CIMAP1D: variants seen among roughly 807,000 people sequenced by gnomAD.
The protein encoded by CIMAP1D is protein CIMAP1D.
the CIMAP1D span, chr19:489,739 G>A: frequency 9.9e-5 from 32 of 324,118 alleles, no homozygotes; most frequent in Admixed American, 8.9e-4. Flanking sequence ...TTGCGGCCGG[G>A]GGAGAACCAC....
At chr19:463,882 G>A in the CIMAP1D span, 246 of 1,610,694 alleles carry the variant, frequency 1.5e-4, no homozygotes, top group Admixed American at 1.2e-4. Flanking sequence ...CCCGCAGGCC[G>A]GGAGGGCGTG....
At chr19:471,732 ATTG>A in the CIMAP1D span, among the ~76,000 whole-genome samples, 1 of 130,182 alleles carries the variant, frequency 7.7e-6, no homozygotes, top group South Asian at 2.6e-4. Flanking sequence ...TTTTGTTACT[ATTG>A]TTAACTTTTT....
At chr19:488,052 G>C in the CIMAP1D span, among the ~76,000 whole-genome samples, 2 of 152,112 alleles carry the variant, frequency 1.3e-5, no homozygotes, top group African/African-American at 4.8e-5. Flanking sequence ...CTCTCACGCG[G>C]ACCCCCTGAG....
At chr19:491,129 T>A in the CIMAP1D span, among the ~76,000 whole-genome samples, 101 of 149,388 alleles carry the variant, frequency 6.8e-4, no homozygotes, top group Admixed American at 1.0e-3. Flanking sequence ...ATACAAAACT[T>A]ACCTGAGCAT....
chr19:488,915 C>G, the CIMAP1D span, among the ~76,000 whole-genome samples: 1 of 152,048 alleles, frequency 6.6e-6, no homozygotes, highest in Admixed American at 6.5e-5. Flanking sequence ...AGTGGGAACG[C>G]GAGGAGACCG....
chr19:483,028 C>A, the CIMAP1D span, among the ~76,000 whole-genome samples: 1 of 152,168 alleles, frequency 6.6e-6, no homozygotes. Flanking sequence ...GAAAAACGGG[C>A]ATATGTCAGC....
the CIMAP1D span, among the ~76,000 whole-genome samples, chr19:484,550 G>A: frequency 2.6e-5 from 4 of 152,202 alleles, no homozygotes; most frequent in Non-Finnish European, 4.4e-5. Flanking sequence ...CACATACGGT[G>A]GCCAGGAAGG....
the CIMAP1D span, among the ~76,000 whole-genome samples, chr19:487,906 G>A: frequency 2.6e-5 from 4 of 152,312 alleles, no homozygotes; most frequent in Non-Finnish European, 5.9e-5. Flanking sequence ...TGACCTACTG[G>A]GTTACGTTAT....
chr19:488,706 G>C, the CIMAP1D span, among the ~76,000 whole-genome samples: 1 of 152,204 alleles, frequency 6.6e-6, no homozygotes, highest in African/African-American at 2.4e-5. Flanking sequence ...TCCCCGACCG[G>C]GCCCTGCGGC....
At chr19:468,609 GC>G in the CIMAP1D span, among the ~76,000 whole-genome samples, 1 of 152,220 alleles carries the variant, frequency 6.6e-6, no homozygotes, top group Non-Finnish European at 1.5e-5. Flanking sequence ...TGATCCTGTG[GC>G]CTTGCACTTC....
At chr19:478,377 C>G in the CIMAP1D span, among the ~76,000 whole-genome samples, 1 of 96,498 alleles carries the variant, frequency 1.0e-5, no homozygotes, top group South Asian at 4.6e-4. Context: ...CTCGGCCCCA[C>G]CTGCCTCCGT....
At chr19:485,943 C>G in the CIMAP1D span, among the ~76,000 whole-genome samples, 1 of 152,216 alleles carries the variant, frequency 6.6e-6, no homozygotes, top group African/African-American at 2.4e-5. Context: ...AGCCCCCTGA[C>G]TCAGACTCAC....
chr19:463,997 G>A, the CIMAP1D span: 1 of 1,609,572 alleles, frequency 6.2e-7, no homozygotes, highest in Non-Finnish European at 8.5e-7. Flanking sequence ...GGGCGCCAGG[G>A]CCGGGGGTCT....
chr19:480,525 A>T, the CIMAP1D span, among the ~76,000 whole-genome samples: 38 of 117,802 alleles, frequency 3.2e-4, no homozygotes, highest in Admixed American at 7.9e-5. Flanking sequence ...GGGAAGGATG[A>T]TGGGGAAGGA....
the CIMAP1D span, among the ~76,000 whole-genome samples, chr19:482,696 T>C: frequency 6.6e-6 from 1 of 152,088 alleles, no homozygotes; most frequent in Non-Finnish European, 1.5e-5. Context: ...GTTCCATGCC[T>C]ATCACCATGG....
At chr19:467,572 G>C in the CIMAP1D span, 1 of 905,808 alleles carries the variant, frequency 1.1e-6, no homozygotes, top group South Asian at 1.3e-5. Context: ...ATAAGAGGGG[G>C]AGGGAGGACA....
the CIMAP1D span, among the ~76,000 whole-genome samples, chr19:485,417 G>A: frequency 1.3e-5 from 2 of 152,264 alleles, no homozygotes; most frequent in African/African-American, 2.4e-5. Flanking sequence ...GTGGAATGAA[G>A]CTCTACAATA....
chr19:479,857 C>G, the CIMAP1D span, among the ~76,000 whole-genome samples: 4 of 152,250 alleles, frequency 2.6e-5, no homozygotes, highest in African/African-American at 9.6e-5. Flanking sequence ...CTTTCCTTCT[C>G]TCTTCTTCTT....
the CIMAP1D span, among the ~76,000 whole-genome samples, chr19:481,043 T>G: frequency 7.1e-6 from 1 of 140,516 alleles, no homozygotes. Context: ...GTGGGAAGGA[T>G]GATGGGGAAG....
Sources: gnomAD v4.1 joint callset for allele counts (sites outside exome capture counted in the v4.1 genomes callset) on GRCh38, gnomAD v4.1.1 for gene constraint, MANE v1.5 for transcripts, NCBI Gene and HGNC (gene_info 2026-07-23, HGNC 2026-07-21) for gene names.